KIAA0513: variants seen among roughly 807,000 people sequenced by gnomAD.
The protein encoded by KIAA0513 is KIAA0513, also known as uncharacterized protein KIAA0513.
In KIAA0513, 39 loss-of-function variants were observed where a neutral mutation model predicts 56.5. The ratio of observed to expected loss-of-function variants is 0.69; its 90% confidence interval spans 0.53 to 0.90. The LOEUF is 0.90. KIAA0513 is among the 40% of genes least tolerant of loss of function. KIAA0513 has a pLI of 0.00. For missense variants in KIAA0513, 591 were observed against 535.2 expected, an observed-to-expected ratio of 1.10 and a Z score of -1.03; for synonymous variants, 268 against 215.6, an observed-to-expected ratio of 1.24 and a Z score of -2.13.
Position 85,076,024 on chromosome 16 carries a change from G to T in KIAA0513, c.574+110G>T. On this transcript the variant is annotated intron_variant, in intron 5 of 12. Coordinates refer to ENST00000683363, the MANE Select transcript of KIAA0513 (RefSeq NM_001388359.1). This position sits in a 1 kb window ranked among gnomAD's most constrained non-coding sequence, Gnocchi z 4.7. Reference sequence around the variant, plus strand: ...AAAAGCAAAAGCTATGGGGCCTCCAGAGAACAGAGGAAGCTGATGTTAGGG... The same window carrying T: ...AAAAGCAAAAGCTATGGGGCCTCCATAGAACAGAGGAAGCTGATGTTAGGG... 1.3e-6 allele frequency: 1 copy of T among 760,994 alleles called. No individual in the cohort carries two copies. Among genetic ancestry groups the T allele is most frequent in the Non-Finnish European group, 2.3e-6 (1 of 433,192 alleles). The allele number at this position is 760,994 out of a possible 1,614,324, so 47.1% of individuals were successfully genotyped here. A position where few individuals can be genotyped will look rare whatever the true frequency, so the allele number is the denominator to read the frequency against.
chr16:85,062,483 A>G (rs2073420312), intron 1 of KIAA0513, among the ~76,000 whole-genome samples: 1 of 152,206 alleles, frequency 6.6e-6, no homozygotes, highest in Non-Finnish European at 1.5e-5. Flanking sequence ...GCAGGCCAGC[A>G]TGTTCCTATC....
At position 85,091,199 on chromosome 16, in the gene KIAA0513, C is replaced by A. The variant is rs2073864100; in HGVS notation, c.*2874C>A. ...TGAGGGCTGTGCCAATCCTAGTGAA[C>A]CAAAATGCAAACAACTCACACAAGT... is the stretch of plus-strand genomic sequence containing the variant. On this transcript the variant is annotated 3_prime_UTR_variant, in exon 13 of 13. Transcript: ENST00000683363. 6.6e-6 allele frequency: 1 copy of A among 152,218 alleles called. No homozygotes were observed. Among genetic ancestry groups the A allele is most frequent in the Non-Finnish European group, 1.5e-5 (1 of 68,040 alleles). The allele number at this position is 152,218 out of a possible 1,614,324, so 9.4% of individuals were successfully genotyped here.
At chr16:85,079,197 C>G in intron 8 of KIAA0513, 194 bp downstream of exon 8, 1 of 1,208,352 alleles carries the variant, frequency 8.3e-7, no homozygotes, top group South Asian at 1.6e-5. Context: ...TCCTGTATGG[C>G]TAGGAGCAAT....
chr16:85,070,289 A>C (rs180761118), intron 2 of KIAA0513, among the ~76,000 whole-genome samples: 2 of 152,134 alleles, frequency 1.3e-5, no homozygotes, highest in East Asian at 3.9e-4. Flanking sequence ...CGCCTTATTC[A>C]TGGGTGCTTT....
chr16:85,077,406 G>A lies in KIAA0513; in HGVS notation c.575-19G>A. ...ACCCCAGCCTCACTGGCCTCGTCTT[G>A]TTCCCTCTCTCATCCAAGGAAAACC... is the stretch of plus-strand genomic sequence containing the variant. On this transcript the variant is annotated intron_variant, in intron 5 of 12. Transcript: ENST00000683363. The A allele has an allele frequency of 6.2e-7, 1 of 1,612,960 alleles. No individual in the cohort carries two copies. Among genetic ancestry groups the A allele is most frequent in the Non-Finnish European group, 8.5e-7 (1 of 1,179,352 alleles).
intron 1 of KIAA0513, among the ~76,000 whole-genome samples, chr16:85,050,962 C>T (rs1183503382): frequency 6.6e-6 from 1 of 152,054 alleles, no homozygotes; most frequent in Non-Finnish European, 1.5e-5. Flanking sequence ...TTGAGACCAG[C>T]CTGGGTAACA....
At position 85,090,343 on chromosome 16, in the gene KIAA0513, T is replaced by C. The variant is rs1013042466; in HGVS notation, c.*2018T>C. 2 of 152,206 alleles carry C rather than the reference T, an allele frequency of 1.3e-5. No individual in the cohort carries two copies. The allele number at this position is 152,206 out of a possible 1,614,324, so 9.4% of individuals were successfully genotyped here. On this transcript the variant is annotated 3_prime_UTR_variant, in exon 13 of 13. Coordinates refer to ENST00000683363, the MANE Select transcript of KIAA0513 (RefSeq NM_001388359.1). The stretch of plus-strand genomic sequence containing the variant: ...AGCGTTCTTAGTCATGCATTATTCG[T>C]GTTAGCTGAAATGCATTCAGACTTT...
At chr16:85,083,951 C>A (rs750943632) in intron 10 of KIAA0513, among the ~76,000 whole-genome samples, 4 of 152,174 alleles carry the variant, frequency 2.6e-5, no homozygotes, top group African/African-American at 7.2e-5. Flanking sequence ...TCCCTCTCAG[C>A]AGGCTGTTGG....
At position 85,066,825 on chromosome 16, in the gene KIAA0513, C is replaced by G. The variant is rs2073488742; in HGVS notation, c.-172-75C>G. ...TTCCGGAAGAGCAGAGATTCTCTTT[C>G]TGGGGAGTCTGTGATCTAGGTCGGG... On this transcript the variant is annotated intron_variant, in intron 1 of 12. Transcript: ENST00000683363. The G allele has an allele frequency of 2.3e-5, 10 of 435,932 alleles. No individual in the cohort carries two copies. In the South Asian group the frequency reaches 5.7e-4, roughly 25 times the overall value. 27.0% of individuals were successfully genotyped at this position (435,932 alleles called of 1,614,324 possible).
In KIAA0513 at chr16:85,076,885, C is replaced by G. The variant is rs2073663262; in HGVS notation, c.575-540C>G. 1.3e-5 allele frequency among the ~76,000 whole-genome samples: 2 copies of G among 152,218 alleles called. No homozygotes were observed. The highest frequency in any genetic ancestry group is 6.5e-5 in the Admixed American group (1 of 15,290). On this transcript the variant is annotated intron_variant, in intron 5 of 12. Transcript: ENST00000683363. The surrounding 1 kb of genome is among the most constrained non-coding windows in gnomAD (Gnocchi z 4.7). ...AGCAGCTTCAGCTAGCGAGGACACC[C>G]CACTGGGACCTGCAGAGGGCCTTTG...
Position 85,034,295 on chromosome 16 carries a change from G to A in KIAA0513, c.-173+6437G>A, listed in dbSNP as rs181792780. ...CTAAGGAGGCTGAGGCAGGAGAATT[G>A]CTTGAACCTGGGGGGTGGAGGCTGC... is the stretch of plus-strand genomic sequence containing the variant. On this transcript the variant is annotated intron_variant, in intron 1 of 12. Transcript: ENST00000683363. Among the ~76,000 whole-genome samples the A allele has an allele frequency of 2.0e-5, 3 of 152,248 alleles. No homozygotes were observed. In the East Asian group the frequency reaches 5.8e-4, roughly 29 times the overall value.
intron 1 of KIAA0513, among the ~76,000 whole-genome samples, chr16:85,058,775 A>G (rs1286185975): frequency 6.6e-6 from 1 of 152,216 alleles, no homozygotes; most frequent in Admixed American, 6.5e-5. Flanking sequence ...CACAGTAATC[A>G]GTGTCATTGC....
chr16:85,068,193 G>A (rs906240052), intron 2 of KIAA0513, among the ~76,000 whole-genome samples: 31 of 150,958 alleles, frequency 2.1e-4, no homozygotes, highest in Non-Finnish European at 4.0e-4. Flanking sequence ...GTCTCACACT[G>A]TTGCCCAGGC....
In KIAA0513 at chr16:85,089,724, G is replaced by A. The variant is rs989889907; in HGVS notation, c.*1399G>A. On this transcript the variant is annotated 3_prime_UTR_variant, in exon 13 of 13. Coordinates refer to ENST00000683363, the MANE Select transcript of KIAA0513 (RefSeq NM_001388359.1). The surrounding 1 kb of genome is among the most constrained non-coding windows in gnomAD (Gnocchi z 4.2). ...CAGATAAGTCCCGTCTTGTTTGTGA[G>A]TACCACAGAAACGCCTGAGAGTCAC... 1 of 152,176 alleles carries A rather than the reference G, an allele frequency of 6.6e-6. No individual in the cohort carries two copies. Among genetic ancestry groups the A allele is most frequent in the Non-Finnish European group, 1.5e-5 (1 of 68,058 alleles). The allele number at this position is 152,176 out of a possible 1,614,324, so 9.4% of individuals were successfully genotyped here. A position where few individuals can be genotyped will look rare whatever the true frequency, so the allele number is the denominator to read the frequency against.
In KIAA0513 at chr16:85,081,276, T is replaced by G; in HGVS notation, c.903-39T>G. On this transcript the variant is annotated intron_variant, in intron 8 of 12. Transcript: ENST00000683363. The surrounding 1 kb of genome is among the most constrained non-coding windows in gnomAD (Gnocchi z 4.4). ...GCCCACAACCCGTGTCCTCCCCGCC[T>G]CCCCTTGGAGAGAGTGTGACTGGGG... The G allele has an allele frequency of 6.3e-7, 1 of 1,599,424 alleles. No homozygotes were observed. The highest frequency in any genetic ancestry group is 8.6e-7 in the Non-Finnish European group (1 of 1,167,236).
chr16:85,085,515 C>T (rs2073798117), intron 10 of KIAA0513, among the ~76,000 whole-genome samples: 1 of 152,258 alleles, frequency 6.6e-6, no homozygotes, highest in Admixed American at 6.5e-5. Context: ...ACTCATCCAT[C>T]CAGTTTTCTT....
At chr16:85,083,917 G>A (rs1428149278) in intron 10 of KIAA0513, among the ~76,000 whole-genome samples, 1 of 152,198 alleles carries the variant, frequency 6.6e-6, no homozygotes, top group African/African-American at 2.4e-5. Flanking sequence ...TACAGAGGCA[G>A]ACGATTCTGC....
chr16:85,059,991 C>CA (rs1210410847), intron 1 of KIAA0513, among the ~76,000 whole-genome samples: 1 of 152,202 alleles, frequency 6.6e-6, no homozygotes, highest in African/African-American at 2.4e-5. Context: ...GACTGAGTCT[C>CA]ATTCTGTTGC....
At chr16:85,067,795 T>G (rs2073510213) in intron 2 of KIAA0513, among the ~76,000 whole-genome samples, 1 of 152,118 alleles carries the variant, frequency 6.6e-6, no homozygotes, top group Admixed American at 6.5e-5. Context: ...TTTTGTTTAT[T>G]TTCTTTTCTT....
Sources: allele counts gnomAD v4.1 joint callset (sites outside exome capture counted in the v4.1 genomes callset), GRCh38; gene constraint gnomAD v4.1.1; non-coding constraint Gnocchi (gnomAD v3.1); transcripts MANE v1.5; gene names NCBI Gene and HGNC (gene_info 2026-07-23, HGNC 2026-07-21).